ZNF423: variants seen among roughly 807,000 people sequenced by gnomAD.
The protein encoded by ZNF423 is Ebf-associated zinc finger protein.
A neutral mutation model predicts 95.8 loss-of-function variants in ZNF423; 12 were observed. The observed-to-expected ratio is 0.13, with a 90% CI of 0.08 to 0.20. ZNF423 has a LOEUF of 0.20. Among genes scored for constraint, ZNF423 ranks in the 10% least tolerant of loss-of-function variants. The pLI, the probability that ZNF423 is intolerant of heterozygous loss-of-function variation, is 1.00. For missense variants in ZNF423, 1,316 were observed against 1,737.1 expected (o/e 0.76, Z 4.31); for synonymous variants, 749 against 711.9 (o/e 1.05, Z -0.83).
At chr16:49,697,134 C>T (rs2032005588) in intron 3 of ZNF423, among the ~76,000 whole-genome samples, 1 of 152,192 alleles carries the variant, frequency 6.6e-6, no homozygotes, top group Non-Finnish European at 1.5e-5. Flanking sequence ...CCAAGCAAGA[C>T]TCATTTCAGC....
intron 7 of ZNF423, among the ~76,000 whole-genome samples, chr16:49,491,620 C>A (rs1966973483): frequency 6.8e-6 from 1 of 147,568 alleles, no homozygotes; most frequent in African/African-American, 2.5e-5. Context: ...AGGGGAAATG[C>A]CGGGGAGGAG....
chr16:49,631,972 G>T (rs1396718645), intron 4 of ZNF423, among the ~76,000 whole-genome samples: 1 of 152,124 alleles, frequency 6.6e-6, no homozygotes, highest in African/African-American at 2.4e-5. Flanking sequence ...CAGATCTCCT[G>T]CCAGGCCTGG....
In ZNF423 at chr16:49,524,725, C is replaced by A. The variant is rs1255010721; in HGVS notation, c.3733+638G>T. ...CGTCCTCCCCAGGGTGGGCTTCCTG[C>A]CGTGGCAGACAGCAGATGTCGGGGG... On this transcript the variant is annotated intron_variant, in intron 6 of 7. Transcript: ENST00000563137. Among the ~76,000 whole-genome samples the A allele has an allele frequency of 4.6e-5, 7 of 152,326 alleles. No individual in the cohort carries two copies. In the South Asian group the frequency reaches 1.2e-3, roughly 27 times the overall value.
intron 3 of ZNF423, among the ~76,000 whole-genome samples, chr16:49,720,430 C>A (rs544054053): frequency 1.4e-4 from 21 of 152,296 alleles, no homozygotes; most frequent in South Asian, 1.2e-3. Context: ...TCCCACCCCC[C>A]ACCAGCAGTT....
intron 1 of ZNF423, among the ~76,000 whole-genome samples, chr16:49,823,168 C>G (rs920181213): frequency 6.6e-6 from 1 of 152,234 alleles, no homozygotes; most frequent in Non-Finnish European, 1.5e-5. Flanking sequence ...TGAGCCAGCC[C>G]TTGGATGGAA....
rs1966915752 is a variant in ZNF423, at chr16:49,490,524, T to TGTGTCCTG, written c.*750_*751insCAGGACAC. ...AGGGCGTGTGCAAGCCCACAGGAACTTGTAGGGGAACACACCTTACAGGAG... is the reference window on the plus strand; with the variant it reads ...AGGGCGTGTGCAAGCCCACAGGAACTGTGTCCTGTGTAGGGGAACACACCTTACAGGAG... On this transcript the variant is annotated 3_prime_UTR_variant, in exon 8 of 8. Transcript: ENST00000563137. 2.0e-5 allele frequency: 3 copies of TGTGTCCTG among 152,494 alleles called. No homozygotes were observed. Among genetic ancestry groups the TGTGTCCTG allele is most frequent in the Admixed American group, 1.3e-4 (2 of 15,292 alleles). 9.4% of individuals were successfully genotyped at this position (152,494 alleles called of 1,614,324 possible).
In ZNF423 at chr16:49,626,252, T is replaced by C. The variant is rs1262949568; in HGVS notation, c.3519A>G (p.Lys1173=). 6.2e-7 allele frequency: 1 copy of C among 1,613,774 alleles called. No homozygotes were observed. The highest frequency in any genetic ancestry group is 2.2e-5 in the East Asian group (1 of 44,888). ...KGTQTSPVPR[K]KTYQCIKCQM... is the part of the protein sequence containing the mutation. ...GGCACTTGATGCACTGGTATGTCTT[T>C]TTCTGTTTGGAAACCAAAAATAAAA... is the stretch of plus-strand genomic sequence containing the variant. The change falls in exon 5 of 8, where the codon AAA becomes AAG. Residue 1173 remains lysine (K), a splice_region_variant and synonymous_variant. Coordinates refer to ENST00000563137, the MANE Select transcript of ZNF423 (RefSeq NM_001379286.1).
At chr16:49,785,944 G>A (rs927796441) in intron 2 of ZNF423, among the ~76,000 whole-genome samples, 2 of 152,202 alleles carry the variant, frequency 1.3e-5, no homozygotes, top group Admixed American at 6.5e-5. Flanking sequence ...GTGTGTGTCC[G>A]AAAGAGAATC....
chr16:49,781,831 G>T (rs1001665880), intron 2 of ZNF423, among the ~76,000 whole-genome samples: 15 of 152,192 alleles, frequency 9.9e-5, no homozygotes, highest in African/African-American at 3.4e-4. Flanking sequence ...AAAATGGGAG[G>T]CTTCAATGCA....
intron 3 of ZNF423, among the ~76,000 whole-genome samples, chr16:49,698,926 G>A (rs1459126971): frequency 1.3e-5 from 2 of 152,188 alleles, no homozygotes; most frequent in Non-Finnish European, 2.9e-5. Flanking sequence ...CCAGAGACCC[G>A]CGGAGCTCCA....
At chr16:49,800,084 A>C (rs182279158) in intron 1 of ZNF423, among the ~76,000 whole-genome samples, 1 of 152,164 alleles carries the variant, frequency 6.6e-6, no homozygotes, top group Non-Finnish European at 1.5e-5. Context: ...TCTCTACAAA[A>C]AATGCAAAAA....
intron 5 of ZNF423, among the ~76,000 whole-genome samples, chr16:49,558,025 C>T (rs771653401): frequency 6.6e-6 from 1 of 152,214 alleles, no homozygotes; most frequent in East Asian, 1.9e-4. Context: ...AACAGACAGC[C>T]GGACTGGAGC....
chr16:49,637,593 T>A lies in ZNF423; in HGVS notation c.1583A>T (p.Asn528Ile). Residue 528 changes from asparagine (N) to isoleucine (I), a missense_variant, in exon 4 of 8, where the codon AAC (asparagine) becomes ATC (isoleucine). By Grantham distance (149) the Asn-to-Ile change is moderately radical. This residue lies in a region of ZNF423 where 399 missense variants were observed against 478.5 expected (regional missense o/e 0.83). Transcript: ENST00000563137. The surrounding 1 kb of genome is among the most constrained non-coding windows in gnomAD (Gnocchi z 5.6). ...AGTAAGGAAACCCATGGAGCACTGG[T>A]TGCAGAAGAAAGCATTATTACCGTC... The part of the protein sequence containing the change: ...PSDGNNAFFC[N>I]QCSMGFLTES... 1 of 1,614,032 alleles carries A rather than the reference T, an allele frequency of 6.2e-7. No individual in the cohort carries two copies. Among genetic ancestry groups the A allele is most frequent in the Non-Finnish European group, 8.5e-7 (1 of 1,180,010 alleles).
Position 49,637,253 on chromosome 16 carries a change from A to G in ZNF423, c.1923T>C (p.Pro641=). The part of the protein sequence containing the change: ...SANSISNGEY[P]CNQCDLKFSN... ...AGAACTTGAGGTCGCATTGATTGCA[A>G]GGATACTCCCCATTGGAGATGGAGT... is the stretch of plus-strand genomic sequence containing the variant. The change falls in exon 4 of 8, where the codon CCT becomes CCC. Residue 641 remains proline (P), a synonymous_variant. Coordinates refer to ENST00000563137, the MANE Select transcript of ZNF423 (RefSeq NM_001379286.1). The surrounding 1 kb of genome is among the most constrained non-coding windows in gnomAD (Gnocchi z 5.6). The G allele has an allele frequency of 1.2e-6, 2 of 1,614,156 alleles. No individual in the cohort carries two copies. Among genetic ancestry groups the G allele is most frequent in the Non-Finnish European group, 1.7e-6 (2 of 1,180,040 alleles).
chr16:49,537,202 G>A (rs1969082978), intron 5 of ZNF423, among the ~76,000 whole-genome samples: 1 of 152,224 alleles, frequency 6.6e-6, no homozygotes, highest in Non-Finnish European at 1.5e-5. Context: ...TCTGAAGGAT[G>A]TAACCCAAAT....
chr16:49,613,475 T>C (rs1221357474), intron 5 of ZNF423, among the ~76,000 whole-genome samples: 1 of 152,246 alleles, frequency 6.6e-6, no homozygotes, highest in African/African-American at 2.4e-5. Flanking sequence ...AGAAGATTGC[T>C]TGAAGCCAGG....
intron 1 of ZNF423, among the ~76,000 whole-genome samples, chr16:49,851,367 GAACAGTTAAGAGAAA>G (rs2035299716): frequency 6.6e-6 from 1 of 152,158 alleles, no homozygotes; most frequent in South Asian, 2.1e-4. Context: ...ACATCCAAAT[GAACAGTTAAGAGAAA>G]TCAATGCATC....
rs2035349043 is a variant in ZNF423, at chr16:49,855,254, A to G, written c.40+481T>C. Among the ~76,000 whole-genome samples, 1 of 150,406 alleles carries G rather than the reference A, an allele frequency of 6.6e-6. No individual in the cohort carries two copies. Among genetic ancestry groups the G allele is most frequent in the Non-Finnish European group, 1.5e-5 (1 of 67,476 alleles). On this transcript the variant is annotated intron_variant, in intron 1 of 7. Transcript: ENST00000563137. The surrounding 1 kb of genome is among the most constrained non-coding windows in gnomAD (Gnocchi z 4.7). ...AGGCAGGGGCCAGAGAGAGCCAGCG[A>G]GGCCCGGGGCCAGCGAGGAGCGGTC...
At chr16:49,502,826 C>G (rs146808205) in intron 7 of ZNF423, among the ~76,000 whole-genome samples, 1 of 147,690 alleles carries the variant, frequency 6.8e-6, no homozygotes, top group Admixed American at 6.7e-5. Flanking sequence ...CACCTGCCCC[C>G]GTCATGTGCC....
Sources: gnomAD v4.1 joint callset for allele counts (sites outside exome capture counted in the v4.1 genomes callset) on GRCh38, gnomAD v4.1.1 for gene constraint, gnomAD v4.1.1 regional missense constraint, Gnocchi (gnomAD v3.1) non-coding constraint, MANE v1.5 for transcripts, NCBI Gene and HGNC (gene_info 2026-07-23, HGNC 2026-07-21) for gene names.